Variants in CTNNA3 observed in about 807,000 individuals in gnomAD.
The protein encoded by CTNNA3 is catenin alpha-3.
Under a neutral mutation model 95.7 loss-of-function variants are expected in CTNNA3, and 76 were observed. The observed-to-expected ratio is 0.79, with a 90% CI of 0.66 to 0.96. CTNNA3 has a LOEUF of 0.96. Ranked by LOEUF, CTNNA3 falls within the 40% of genes least tolerant of loss-of-function variation. The pLI is 0.00. For missense variants in CTNNA3, 1,191 were observed against 1,089.8 expected (o/e 1.09, Z -1.31); for synonymous variants, 431 against 374.4 (o/e 1.15, Z -1.74).
intron 7 of CTNNA3, among the ~76,000 whole-genome samples, chr10:67,123,324 T>G (rs115649060): frequency 1.7e-4 from 26 of 152,276 alleles, no homozygotes; most frequent in African/African-American, 5.5e-4. Context: ...ATGCTAGTCC[T>G]GGAAAAAAAT....
chr10:66,280,154 A>T (rs1589024565), intron 13 of CTNNA3, among the ~76,000 whole-genome samples: 1 of 152,060 alleles, frequency 6.6e-6, no homozygotes, highest in Admixed American at 6.6e-5. Context: ...AAAGCAAATT[A>T]CTTTATGTAT....
At chr10:67,741,775 A>C (rs1353273509) in intron 1 of CTNNA3, among the ~76,000 whole-genome samples, 4 of 151,320 alleles carry the variant, frequency 2.6e-5, no homozygotes, top group African/African-American at 9.7e-5. Context: ...TCACGTGCAC[A>C]GACACACATA....
At chr10:66,499,565 G>C (rs1479829529) in intron 11 of CTNNA3, among the ~76,000 whole-genome samples, 1 of 152,122 alleles carries the variant, frequency 6.6e-6, no homozygotes, top group Non-Finnish European at 1.5e-5. Context: ...TGGGACGACA[G>C]GGAAAATCAA....
chr10:67,313,700 G>A (rs1020908263), intron 5 of CTNNA3, among the ~76,000 whole-genome samples: 18 of 152,280 alleles, frequency 1.2e-4, no homozygotes, highest in African/African-American at 3.8e-4. Flanking sequence ...GGTGGAGAAA[G>A]TCTGAACCAA....
At chr10:66,438,755 G>T (rs962558069) in intron 11 of CTNNA3, among the ~76,000 whole-genome samples, 1 of 152,156 alleles carries the variant, frequency 6.6e-6, no homozygotes, top group Non-Finnish European at 1.5e-5. Flanking sequence ...AAAAACTCCT[G>T]CAGCTAGGTC....
At chr10:66,572,823 T>A (rs1306973521) in intron 10 of CTNNA3, among the ~76,000 whole-genome samples, 1 of 152,178 alleles carries the variant, frequency 6.6e-6, no homozygotes, top group Admixed American at 6.5e-5. Flanking sequence ...TCAGGACACA[T>A]GCTTCTTCTG....
At chr10:67,171,718 C>G (rs1862030556) in intron 7 of CTNNA3, among the ~76,000 whole-genome samples, 1 of 151,966 alleles carries the variant, frequency 6.6e-6, no homozygotes, top group South Asian at 2.1e-4. Flanking sequence ...CATCACTACC[C>G]TCTAGCAGCC....
chr10:67,691,245 C>T (rs1160006140), intron 1 of CTNNA3, among the ~76,000 whole-genome samples: 1 of 152,218 alleles, frequency 6.6e-6, no homozygotes, highest in African/African-American at 2.4e-5. Flanking sequence ...CTCACTACAA[C>T]CTCCACCTCC....
At chr10:67,529,696 G>A (rs902925047) in intron 4 of CTNNA3, among the ~76,000 whole-genome samples, 6 of 151,422 alleles carry the variant, frequency 4.0e-5, no homozygotes, top group Admixed American at 6.6e-5. Flanking sequence ...AAAAATATAC[G>A]TTTGAAAAAA....
intron 10 of CTNNA3, among the ~76,000 whole-genome samples, chr10:66,563,008 G>GAA (rs1432278031): frequency 1.3e-5 from 2 of 152,044 alleles, no homozygotes; most frequent in Non-Finnish European, 2.9e-5. Context: ...ATGGCTTCAT[G>GAA]AATACATCAT....
In CTNNA3 at chr10:66,692,170, A is replaced by G. The variant is rs554791648; in HGVS notation, c.1282-70386T>C. Among the ~76,000 whole-genome samples, 62 of 152,314 alleles carry G rather than the reference A, an allele frequency of 4.1e-4. 1 individual carries two copies. The highest frequency in any genetic ancestry group is 1.4e-3 in the African/African-American group (60 of 41,582). On this transcript the variant is annotated intron_variant, in intron 9 of 17. Transcript: ENST00000433211. ...TCAGATGATCAAACTACTCCGAGCT[A>G]CAGGAGGAAATTCAAACCAAAGGCA...
chr10:67,709,118 G>A (rs1344163113), intron 1 of CTNNA3, among the ~76,000 whole-genome samples: 4 of 152,252 alleles, frequency 2.6e-5, no homozygotes, highest in African/African-American at 9.6e-5. Context: ...AATGTAGATA[G>A]ATAAGGATGC....
At chr10:67,712,170 T>C (rs1841115078) in intron 1 of CTNNA3, among the ~76,000 whole-genome samples, 1 of 152,224 alleles carries the variant, frequency 6.6e-6, no homozygotes. Context: ...TTAAGAAATT[T>C]CTAAGCATCA....
rs149843535 is a variant in CTNNA3, at chr10:66,532,419, G to A, written c.1375-11646C>T. Among the ~76,000 whole-genome samples, 1,055 of 151,086 alleles carry A rather than the reference G, an allele frequency of 7.0e-3. 14 individuals carry two copies. The highest frequency in any genetic ancestry group is 0.025 in the African/African-American group (1,008 of 41,044). On this transcript the variant is annotated intron_variant, in intron 10 of 17. Transcript: ENST00000433211. Reference sequence around the variant, plus strand: ...GGAGCTTGCAGTGAGCTGAGATCGCGCCACTGTACTCCAGCCTGGGTGACA... The same window carrying A: ...GGAGCTTGCAGTGAGCTGAGATCGCACCACTGTACTCCAGCCTGGGTGACA...
intron 5 of CTNNA3, among the ~76,000 whole-genome samples, chr10:67,305,471 A>G (rs16924350): frequency 0.013 from 1,995 of 152,148 alleles, 41 homozygotes; most frequent in African/African-American, 0.045. Flanking sequence ...GTAGGGGAGA[A>G]ATAAAGAAGG....
At chr10:67,080,938 A>G (rs202161282) in intron 7 of CTNNA3, among the ~76,000 whole-genome samples, 1 of 34,296 alleles carries the variant, frequency 2.9e-5, no homozygotes, top group Non-Finnish European at 5.0e-5. Context: ...AAAAACAACA[A>G]AAAAAAAAAA....
chr10:67,499,462 G>A (rs989485777), intron 5 of CTNNA3, among the ~76,000 whole-genome samples: 2 of 152,126 alleles, frequency 1.3e-5, no homozygotes, highest in Non-Finnish European at 2.9e-5. Flanking sequence ...GAGTTAGGGA[G>A]GAGTCCCTCA....
At chr10:67,709,899 A>G (rs1841097318) in intron 1 of CTNNA3, among the ~76,000 whole-genome samples, 1 of 152,132 alleles carries the variant, frequency 6.6e-6, no homozygotes, top group Admixed American at 6.6e-5. Flanking sequence ...AGTCCTAAAT[A>G]AATTCTTCTT....
chr10:66,802,379 G>T (rs1034727841), intron 7 of CTNNA3, among the ~76,000 whole-genome samples: 1 of 151,664 alleles, frequency 6.6e-6, no homozygotes, highest in African/African-American at 2.4e-5. Flanking sequence ...AAGAAGATAT[G>T]CAAATGACCA....
Sources: gnomAD v4.1 joint callset for allele counts (sites outside exome capture counted in the v4.1 genomes callset) on GRCh38, gnomAD v4.1.1 for gene constraint, MANE v1.5 for transcripts, NCBI Gene and HGNC (gene_info 2026-07-23, HGNC 2026-07-21) for gene names.